Variants in ERLIN1 observed in about 807,000 individuals in gnomAD.
ERLIN1 encodes the protein ER lipid raft associated 1, also known as erlin-1.
ERLIN1 carries 24 observed loss-of-function variants against 46.9 expected under a neutral mutation model. That is an observed-to-expected ratio of 0.51 (90% CI 0.37 to 0.72). The LOEUF (loss-of-function observed/expected upper bound fraction) is 0.72, where lower values mean the gene tolerates loss of function less well. Ranked by LOEUF, ERLIN1 falls within the 30% of genes least tolerant of loss-of-function variation. ERLIN1 has a pLI of 0.00. For missense variants in ERLIN1, 293 were observed against 417.9 expected (o/e 0.70, Z 2.61); for synonymous variants, 158 against 143.2 (o/e 1.10, Z -0.74).
Position 100,153,942 on chromosome 10 carries a change from C to T in ERLIN1, c.825+918G>A, listed in dbSNP as rs1589508169. Among the ~76,000 whole-genome samples the T allele has an allele frequency of 5.4e-5, 8 of 149,424 alleles. 2 individuals are homozygous for T. In the Admixed American group the frequency reaches 5.5e-4, roughly 10 times the overall value. Reference sequence around the variant, plus strand: ...ATATTGGTTTTCAAAGTACTGACAACTCTCATTCTATCATCTTATCATTTC... The same window carrying T: ...ATATTGGTTTTCAAAGTACTGACAATTCTCATTCTATCATCTTATCATTTC... On this transcript the variant is annotated intron_variant, in intron 10 of 10. Transcript: ENST00000421367.
chr10:100,160,496 G>A (rs1292581932), intron 8 of ERLIN1, among the ~76,000 whole-genome samples: 2 of 151,898 alleles, frequency 1.3e-5, no homozygotes, highest in African/African-American at 4.8e-5. Flanking sequence ...TGAAAATAAA[G>A]GTAAAAATTC....
intron 10 of ERLIN1, among the ~76,000 whole-genome samples, chr10:100,152,869 G>C (rs1459908619): frequency 6.6e-6 from 1 of 151,596 alleles, no homozygotes; most frequent in Non-Finnish European, 1.5e-5. Context: ...TTTTTTTCTG[G>C]AGATGAGATC....
In ERLIN1 at chr10:100,185,564, G is replaced by A; in HGVS notation, c.63C>T (p.Leu21=). The change falls in exon 1 of 11, where the codon CTC becomes CTT. Residue 21 remains leucine, a synonymous_variant. Transcript: ENST00000421367. The part of the protein sequence containing the change: ...AAVVGLVAVL[L]YASIHKIEEG... ...CCTCAATCTTGTGGATGGAGGCGTA[G>A]AGCAGGACAGCCACCAACCCCACCA... The A allele has an allele frequency of 6.2e-7, 1 of 1,614,070 alleles. No individual in the cohort carries two copies. Among genetic ancestry groups the A allele is most frequent in the East Asian group, 2.2e-5 (1 of 44,880 alleles).
rs150745682 is a variant in ERLIN1, at chr10:100,168,839, C to T, written c.505-1433G>A. 2.4e-3 allele frequency among the ~76,000 whole-genome samples: 365 copies of T among 152,106 alleles called. 2 individuals are homozygous for T. The highest frequency in any genetic ancestry group is 7.7e-3 in the African/African-American group (319 of 41,500). Reference sequence around the variant, plus strand: ...GGATTACAGGCATGCGCCACCAAGCCCGACTAATTTTTGTATTGTTTTTTA... The same window carrying T: ...GGATTACAGGCATGCGCCACCAAGCTCGACTAATTTTTGTATTGTTTTTTA... On this transcript the variant is annotated intron_variant, in intron 6 of 10. Transcript: ENST00000421367.
chr10:100,176,044 C>T lies in ERLIN1; in HGVS notation c.331G>A (p.Ala111Thr). Residue 111 changes from alanine (A) to threonine (T), a missense_variant, in exon 5 of 11, where the codon GCA becomes ACA. By Grantham distance (58) the Ala-to-Thr change is moderately conservative (BLOSUM62 0). Coordinates refer to ENST00000421367, the MANE Select transcript of ERLIN1 (RefSeq NM_006459.4). Reference protein sequence around the residue: ...AVFDIVRNYTADYDKTLIFNK... With the variant: ...AVFDIVRNYTTDYDKTLIFNK... ...AAGATTAAGGTCTTGTCATAATCTG[C>T]AGTATAGTTCCTCACGATATCAAAC... 1 of 1,612,686 alleles carries T rather than the reference C, an allele frequency of 6.2e-7. No individual in the cohort carries two copies. Among genetic ancestry groups the T allele is most frequent in the Non-Finnish European group, 8.5e-7 (1 of 1,179,120 alleles).
chr10:100,167,504 A>C (rs1377520705), intron 6 of ERLIN1, 98 bp from the exon 7 acceptor site: 2 of 920,676 alleles, frequency 2.2e-6, no homozygotes, highest in Non-Finnish European at 3.4e-6. Context: ...CTAATCTAAT[A>C]AACAACAGCT....
intron 8 of ERLIN1, among the ~76,000 whole-genome samples, chr10:100,160,905 C>A (rs748203473): frequency 3.9e-5 from 6 of 152,184 alleles, no homozygotes. Context: ...TGTGATTACA[C>A]CACTGTACTC....
chr10:100,179,109 G>A, intron 3 of ERLIN1, 92 bp downstream of exon 3: 1 of 946,590 alleles, frequency 1.1e-6, no homozygotes, highest in South Asian at 1.4e-5. Context: ...TAACTATCAT[G>A]CCTATTTGAG....
At chr10:100,171,137 T>C (rs969413146) in intron 6 of ERLIN1, among the ~76,000 whole-genome samples, 7 of 152,146 alleles carry the variant, frequency 4.6e-5, no homozygotes, top group African/African-American at 1.7e-4. Flanking sequence ...TGCTATACTT[T>C]TAAGGTGGTG....
At position 100,158,236 on chromosome 10, in the gene ERLIN1, G is replaced by C. The variant is rs1203065364; in HGVS notation, c.656-2002C>G. Among the ~76,000 whole-genome samples the C allele has an allele frequency of 4.6e-5, 7 of 152,190 alleles. No homozygotes were observed. In the East Asian group the frequency reaches 1.3e-3, roughly 29 times the overall value. On this transcript the variant is annotated intron_variant, in intron 8 of 10. Coordinates refer to ENST00000421367, the MANE Select transcript of ERLIN1 (RefSeq NM_006459.4). The stretch of plus-strand genomic sequence containing the variant: ...CTCTACCAACCAGCCCAGTTAAGAA[G>C]TAACCTCTTCTCTACCTAGCCACAT...
At chr10:100,158,050 G>GT (rs759387954) in intron 8 of ERLIN1, among the ~76,000 whole-genome samples, 2 of 152,214 alleles carry the variant, frequency 1.3e-5, no homozygotes, top group Non-Finnish European at 2.9e-5. Flanking sequence ...AGCCTGTATG[G>GT]TGGTGTCCCT....
At chr10:100,159,585 A>C (rs1450599463) in intron 8 of ERLIN1, among the ~76,000 whole-genome samples, 1 of 152,172 alleles carries the variant, frequency 6.6e-6, no homozygotes, top group African/African-American at 2.4e-5. Flanking sequence ...TTCTGACTAC[A>C]ATGTAGTAAC....
intron 2 of ERLIN1, 54 bp from the exon 3 acceptor site, chr10:100,179,301 T>C (rs1844497058): frequency 2.3e-6 from 3 of 1,311,446 alleles, no homozygotes; most frequent in Non-Finnish European, 3.2e-6. Flanking sequence ...GTCAAAAAAC[T>C]ACTGGTACCA....
Position 100,155,069 on chromosome 10 carries a change from G to A in ERLIN1, c.746-130C>T, listed in dbSNP as rs1053182515. The stretch of plus-strand genomic sequence containing the variant: ...TTAAAAACCTATTAGCAGTTTTCAA[G>A]TCCCAGTCCCCAAACAGCAACTTCT... On this transcript the variant is annotated intron_variant, in intron 9 of 10. Transcript: ENST00000421367. 1.2e-5 allele frequency: 8 copies of A among 694,300 alleles called. No individual in the cohort carries two copies. The East Asian group carries it at 2.2e-4, about 19-fold the overall frequency. 43.0% of individuals were successfully genotyped at this position (694,300 alleles called of 1,614,324 possible). A position where few individuals can be genotyped will look rare whatever the true frequency, so the allele number is the denominator to read the frequency against.
At chr10:100,178,096 T>A (rs191978109) in intron 4 of ERLIN1, 37 bp downstream of exon 4, 1 of 1,333,652 alleles carries the variant, frequency 7.5e-7, no homozygotes, top group African/African-American at 1.4e-5. Context: ...ATCCTCTGGC[T>A]ATAACTATAA....
At position 100,185,765 on chromosome 10, in the gene ERLIN1, C is replaced by A. The variant is rs924605110; in HGVS notation, c.-139G>T. ...AGCCGGGGAGTCCAGTACCCCTGTC[C>A]CCTCATTCTTCCCTTCTGGCTGAGC... On this transcript the variant is annotated 5_prime_UTR_variant, in exon 1 of 11. The change creates a premature stop within an existing upstream ORF in the 5' untranslated region. Coordinates refer to ENST00000421367, the MANE Select transcript of ERLIN1 (RefSeq NM_006459.4). 3.3e-5 allele frequency: 22 copies of A among 665,652 alleles called. No homozygotes were observed. The highest frequency in any genetic ancestry group is 5.4e-5 in the Non-Finnish European group (20 of 372,710). The allele number at this position is 665,652 out of a possible 1,614,324, so 41.2% of individuals were successfully genotyped here. A position where few individuals can be genotyped will look rare whatever the true frequency, so the allele number is the denominator to read the frequency against.
intron 6 of ERLIN1, among the ~76,000 whole-genome samples, chr10:100,169,144 A>G (rs937728072): frequency 6.6e-6 from 1 of 152,206 alleles, no homozygotes; most frequent in African/African-American, 2.4e-5. Context: ...AGAGATTTTA[A>G]AAGTAAAAGT....
rs144308526 is a variant in ERLIN1 at position 100,177,749 on chromosome 10, T to C, written c.304+384A>G. 2.6e-5 allele frequency among the ~76,000 whole-genome samples: 4 copies of C among 152,346 alleles called. 1 individual carries two copies. Among genetic ancestry groups the C allele is most frequent in the South Asian group, 4.1e-4 (2 of 4,822 alleles). Reference sequence around the variant, plus strand: ...GGCTTTCAGACTGCTTTGCAAATTATAGCAAATCTCAACTAGAAAATACTT... The same window carrying C: ...GGCTTTCAGACTGCTTTGCAAATTACAGCAAATCTCAACTAGAAAATACTT... On this transcript the variant is annotated intron_variant, in intron 4 of 10. Coordinates refer to ENST00000421367, the MANE Select transcript of ERLIN1 (RefSeq NM_006459.4).
intron 7 of ERLIN1, among the ~76,000 whole-genome samples, chr10:100,164,625 C>G (rs757453099): frequency 6.6e-6 from 1 of 152,184 alleles, no homozygotes; most frequent in Admixed American, 6.5e-5. Flanking sequence ...CTGGGGCTTA[C>G]AGTAAGGAGA....
Sources: allele counts gnomAD v4.1 joint callset (sites outside exome capture counted in the v4.1 genomes callset), GRCh38; gene constraint gnomAD v4.1.1; transcripts MANE v1.5; gene names NCBI Gene and HGNC (gene_info 2026-07-23, HGNC 2026-07-21).